GRIK2: variants seen among roughly 807,000 people sequenced by gnomAD.
GRIK2 encodes the protein glutamate receptor ionotropic, kainate 2.
In GRIK2, 32 loss-of-function variants were observed where a neutral mutation model predicts 100.3. That is an observed-to-expected ratio of 0.32 (90% CI 0.24 to 0.43). The LOEUF (loss-of-function observed/expected upper bound fraction) is 0.43. Ranked by LOEUF, GRIK2 falls within the 20% of genes least tolerant of loss-of-function variation. The pLI is 1.00. For missense variants in GRIK2, 843 were observed against 1,114.9 expected (o/e 0.76, Z 3.47); for synonymous variants, 417 against 389.4 (o/e 1.07, Z -0.83).
At chr6:101,572,898 C>A (rs1417160073) in intron 2 of GRIK2, among the ~76,000 whole-genome samples, 1 of 150,960 alleles carries the variant, frequency 6.6e-6, no homozygotes, top group Non-Finnish European at 1.5e-5. Flanking sequence ...GCCCAGGCTG[C>A]ACTGCAGTGA....
chr6:101,618,794 T>G (rs1051901954), intron 2 of GRIK2, among the ~76,000 whole-genome samples: 39 of 151,628 alleles, frequency 2.6e-4, no homozygotes, highest in Non-Finnish European at 5.0e-4. Flanking sequence ...CTCTTCTCTA[T>G]ATGTTATGAA....
Position 101,776,680 on chromosome 6 carries a change from T to C in GRIK2, c.952-22968T>C, listed in dbSNP as rs80099652. ...AGACATTATAATATTTTACCACTCA[T>C]CTTTATTCTTGAATTCTAAATTTGT... On this transcript the variant is annotated intron_variant, in intron 7 of 16. Transcript: ENST00000369134. 5.2e-3 allele frequency among the ~76,000 whole-genome samples: 797 copies of C among 152,326 alleles called. 6 individuals carry two copies. Among genetic ancestry groups the C allele is most frequent in the African/African-American group, 0.018 (764 of 41,572 alleles).
intron 10 of GRIK2, among the ~76,000 whole-genome samples, chr6:101,837,390 A>G (rs919824459): frequency 6.6e-6 from 1 of 152,202 alleles, no homozygotes; most frequent in Non-Finnish European, 1.5e-5. Context: ...TTAGATCTTA[A>G]CTATTCTTAC....
chr6:101,529,206 A>G (rs1240258174), intron 2 of GRIK2, among the ~76,000 whole-genome samples: 1 of 152,112 alleles, frequency 6.6e-6, no homozygotes, highest in Non-Finnish European at 1.5e-5. Context: ...TATAGTTTAC[A>G]CAATTCAGTT....
At chr6:101,981,518 C>A (rs1415229380) in intron 14 of GRIK2, among the ~76,000 whole-genome samples, 1 of 151,810 alleles carries the variant, frequency 6.6e-6, no homozygotes, top group African/African-American at 2.4e-5. Flanking sequence ...GATAAATTAT[C>A]TTTTAATTCA....
chr6:101,638,384 T>C (rs2128323330), intron 4 of GRIK2, among the ~76,000 whole-genome samples: 1 of 151,956 alleles, frequency 6.6e-6, no homozygotes, highest in East Asian at 1.9e-4. Flanking sequence ...ATAGGTGTTA[T>C]GAAGAGAAAT....
At chr6:101,687,410 A>G (rs1771773802) in intron 7 of GRIK2, among the ~76,000 whole-genome samples, 1 of 151,970 alleles carries the variant, frequency 6.6e-6, no homozygotes, top group African/African-American at 2.4e-5. Context: ...AATGAGTATT[A>G]GTCTAAATGG....
At chr6:101,910,168 A>C (rs891233248) in intron 12 of GRIK2, among the ~76,000 whole-genome samples, 3 of 151,182 alleles carry the variant, frequency 2.0e-5, no homozygotes, top group African/African-American at 7.3e-5. Context: ...TTCTAAATTA[A>C]AAATAGAATG....
intron 10 of GRIK2, among the ~76,000 whole-genome samples, chr6:101,822,380 G>A (rs1427386931): frequency 6.6e-6 from 1 of 151,784 alleles, no homozygotes; most frequent in Non-Finnish European, 1.5e-5. Flanking sequence ...TAGAAGAATA[G>A]ACAGCTGAGA....
chr6:101,653,939 T>C (rs1781938073), intron 4 of GRIK2, among the ~76,000 whole-genome samples: 1 of 152,122 alleles, frequency 6.6e-6, no homozygotes, highest in African/African-American at 2.4e-5. Context: ...ATCTTTCTAG[T>C]GGAAAATTAT....
chr6:101,917,184 G>A (rs1361520270), intron 12 of GRIK2, among the ~76,000 whole-genome samples: 1 of 151,608 alleles, frequency 6.6e-6, no homozygotes, highest in Non-Finnish European at 1.5e-5. Context: ...TAGAAGTAGA[G>A]TTACCCTAGC....
intron 12 of GRIK2, among the ~76,000 whole-genome samples, chr6:101,909,067 T>A (rs1582510756): frequency 6.6e-6 from 1 of 151,120 alleles, no homozygotes; most frequent in East Asian, 1.9e-4. Context: ...AAAACCCAAC[T>A]TCAAAGTAAA....
Position 101,488,031 on chromosome 6 carries a change from T to G in GRIK2, c.115+88639T>G, listed in dbSNP as rs1318681994. On this transcript the variant is annotated intron_variant, in intron 2 of 16. Transcript: ENST00000369134. ...AACTATAAAGTTACAAGTCTTCATC[T>G]TTTTACTTCTATTTAGATTGTATTT... Among the ~76,000 whole-genome samples, 2 of 146,572 alleles carry G rather than the reference T, an allele frequency of 1.4e-5. 1 individual carries two copies. Among genetic ancestry groups the G allele is most frequent in the African/African-American group, 5.2e-5 (2 of 38,546 alleles).
At chr6:101,799,567 C>G in intron 7 of GRIK2, 81 bp from the exon 8 acceptor site, 1 of 1,050,068 alleles carries the variant, frequency 9.5e-7, no homozygotes, top group Non-Finnish European at 1.5e-6. Flanking sequence ...CTTACCTCTT[C>G]CCTCTTCCTC....
At chr6:101,513,048 G>T (rs1276036333) in intron 2 of GRIK2, among the ~76,000 whole-genome samples, 1 of 151,662 alleles carries the variant, frequency 6.6e-6, no homozygotes, top group Non-Finnish European at 1.5e-5. Flanking sequence ...TTTATTCTAA[G>T]CCAAATATGA....
rs550015590 is a variant in GRIK2 at position 101,514,334 on chromosome 6, C to T, written c.116-107615C>T. On this transcript the variant is annotated intron_variant, in intron 2 of 16. Coordinates refer to ENST00000369134, the MANE Select transcript of GRIK2 (RefSeq NM_021956.5). ...TCATGCCAGTTTAGATAAAACGACACGGACACACATGGAGTGGTTTTAAGG... is the reference window on the plus strand; with the variant it reads ...TCATGCCAGTTTAGATAAAACGACATGGACACACATGGAGTGGTTTTAAGG... Among the ~76,000 whole-genome samples, 4 of 152,034 alleles carry T rather than the reference C, an allele frequency of 2.6e-5. No homozygotes were observed. In the East Asian group the frequency reaches 5.8e-4, roughly 22 times the overall value.
chr6:101,485,064 C>T (rs771933647), intron 2 of GRIK2, among the ~76,000 whole-genome samples: 1 of 152,124 alleles, frequency 6.6e-6, no homozygotes, highest in South Asian at 2.1e-4. Context: ...AGTACAATGA[C>T]AACAACCTTG....
chr6:102,013,355 G>C (rs1264866384), intron 14 of GRIK2, among the ~76,000 whole-genome samples: 1 of 152,114 alleles, frequency 6.6e-6, no homozygotes, highest in Non-Finnish European at 1.5e-5. Flanking sequence ...GAGCTTTCTA[G>C]ATATAGAATC....
chr6:101,943,620 G>A (rs977579647), intron 14 of GRIK2, among the ~76,000 whole-genome samples: 9 of 152,144 alleles, frequency 5.9e-5, no homozygotes, highest in African/African-American at 1.7e-4. Context: ...AGTCAAAGAA[G>A]GTTATTTTGG....
Sources: allele counts gnomAD v4.1 joint callset (sites outside exome capture counted in the v4.1 genomes callset), GRCh38; gene constraint gnomAD v4.1.1; transcripts MANE v1.5; gene names NCBI Gene and HGNC (gene_info 2026-07-23, HGNC 2026-07-21).